Variants in CD58 observed in about 807,000 individuals in gnomAD.
The protein encoded by CD58 is CD58 molecule, also known as lymphocyte function-associated antigen 3.
A neutral mutation model predicts 27.6 loss-of-function variants in CD58; 14 were observed. The observed-to-expected ratio is 0.51, with a 90% CI of 0.34 to 0.79. The LOEUF (loss-of-function observed/expected upper bound fraction) is 0.79. Ranked by LOEUF, CD58 falls within the 30% of genes least tolerant of loss-of-function variation. The pLI is 0.02. For missense variants in CD58, 268 were observed against 301.7 expected, an observed-to-expected ratio of 0.89 and a Z score of 0.83; for synonymous variants, 117 against 103.8, an observed-to-expected ratio of 1.13 and a Z score of -0.77.
In CD58 at chr1:116,538,378, A is replaced by G. The variant is rs1657885776; in HGVS notation, c.365-2150T>C. ...CCATAGCAGCCCTCAGGGGACTTCC[A>G]AGGAACATGCATCCCCAGAATAGTT... On this transcript the variant is annotated intron_variant, in intron 2 of 5. Transcript: ENST00000369489. This position sits in a 1 kb window ranked among gnomAD's most constrained non-coding sequence, Gnocchi z 4.7. Among the ~76,000 whole-genome samples, 1 of 152,096 alleles carries G rather than the reference A, an allele frequency of 6.6e-6. No homozygotes were observed. Among genetic ancestry groups the G allele is most frequent in the South Asian group, 2.1e-4 (1 of 4,830 alleles).
At chr1:116,551,071 C>T (rs1185908321) in intron 1 of CD58, among the ~76,000 whole-genome samples, 1 of 152,072 alleles carries the variant, frequency 6.6e-6, no homozygotes, top group Admixed American at 6.6e-5. Flanking sequence ...AGAGCACAAG[C>T]AGAATAGATT....
At chr1:116,553,482 C>T (rs974058701) in intron 1 of CD58, among the ~76,000 whole-genome samples, 1 of 152,070 alleles carries the variant, frequency 6.6e-6, no homozygotes, top group African/African-American at 2.4e-5. Flanking sequence ...TGATTGACAG[C>T]ATATGGGGTA....
rs1459192244 is a variant in CD58 at position 116,546,123 on chromosome 1, G to A, written c.71-1519C>T. ...TGAGGCAGAGATTGCAGTCAGCCAT[G>A]ATTGTGCCACTGCACTCCAGCCTGG... On this transcript the variant is annotated intron_variant, in intron 1 of 5. Transcript: ENST00000369489. The surrounding 1 kb of genome is among the most constrained non-coding windows in gnomAD (Gnocchi z 4.1). 6.6e-6 allele frequency among the ~76,000 whole-genome samples: 1 copy of A among 152,240 alleles called. No individual in the cohort carries two copies.
chr1:116,562,418 A>G (rs547307240), intron 1 of CD58, among the ~76,000 whole-genome samples: 31 of 152,232 alleles, frequency 2.0e-4, no homozygotes, highest in Non-Finnish European at 4.1e-4. Flanking sequence ...TCCCAGACTC[A>G]AGCAATTGCC....
intron 3 of CD58, chr1:116,533,734 A>T: frequency 1.4e-6 from 1 of 700,070 alleles, no homozygotes; most frequent in South Asian, 1.4e-5. Context: ...TTCTGATTCC[A>T]TATCAGATGT....
At chr1:116,540,111 G>T (rs1176786511) in intron 2 of CD58, among the ~76,000 whole-genome samples, 1 of 152,138 alleles carries the variant, frequency 6.6e-6, no homozygotes, top group Non-Finnish European at 1.5e-5. Context: ...AGATGGGAAA[G>T]GACTAATAAA....
At position 116,534,837 on chromosome 1, in the gene CD58, A is replaced by T. The variant is rs10754445; in HGVS notation, c.628+1128T>A. ...GCTCACCAGTTAAAATCCAAGTTTC[A>T]TATATTTCTTGTATTTGCTAATTTC... On this transcript the variant is annotated intron_variant, in intron 3 of 5. Transcript: ENST00000369489. The surrounding 1 kb of genome is among the most constrained non-coding windows in gnomAD (Gnocchi z 5.3). Among the ~76,000 whole-genome samples the T allele has an allele frequency of 0.21, 31,202 of 152,124 alleles. 4,310 individuals are homozygous for T. The highest frequency in any genetic ancestry group is 0.57 in the East Asian group (2,960 of 5,172).
rs1252021293 is a variant in CD58, at chr1:116,517,134, C to T, written c.743+2097G>A. ...CCCCCATCCACTCAGAGTTCCCCTC[C>T]ACTGTAACCACCTAGATCTCAGCAG... On this transcript the variant is annotated intron_variant, in intron 5 of 5. Transcript: ENST00000369489. This position sits in a 1 kb window ranked among gnomAD's most constrained non-coding sequence, Gnocchi z 6.5. Among the ~76,000 whole-genome samples the T allele has an allele frequency of 6.6e-6, 1 of 152,120 alleles. No individual in the cohort carries two copies. The highest frequency in any genetic ancestry group is 2.4e-5 in the African/African-American group (1 of 41,406).
chr1:116,562,960 T>C (rs1453838561), intron 1 of CD58, among the ~76,000 whole-genome samples: 1 of 152,162 alleles, frequency 6.6e-6, no homozygotes, highest in Non-Finnish European at 1.5e-5. Context: ...TATTCCAGCA[T>C]TAATCCAAAA....
chr1:116,520,338 C>G (rs961708079), intron 4 of CD58, among the ~76,000 whole-genome samples: 8 of 151,928 alleles, frequency 5.3e-5, no homozygotes, highest in Non-Finnish European at 7.4e-5. Flanking sequence ...GTCTCAAACT[C>G]CTGGGCTCAA....
At chr1:116,556,365 A>AAATGACTTGCT in intron 1 of CD58, among the ~76,000 whole-genome samples, 2 of 93,164 alleles carry the variant, frequency 2.1e-5, no homozygotes, top group African/African-American at 8.8e-5. Context: ...CAACAATGTT[A>AAATGACTTGCT]AGTAATGAAG....
Position 116,519,369 on chromosome 1 carries a change from G to T in CD58, c.707-102C>A. On this transcript the variant is annotated intron_variant, in intron 4 of 5. Transcript: ENST00000369489. This position sits in a 1 kb window ranked among gnomAD's most constrained non-coding sequence, Gnocchi z 4.7. ...TAGAGGCCTAAATATGGAAAACTAA[G>T]CCAGAGCCCCATCACCCTGGGATTT... is the stretch of plus-strand genomic sequence containing the variant. 2.0e-6 allele frequency: 2 copies of T among 1,005,084 alleles called. No individual in the cohort carries two copies. The highest frequency in any genetic ancestry group is 1.5e-6 in the Non-Finnish European group (1 of 654,208). The allele number at this position is 1,005,084 out of a possible 1,614,324, so 62.3% of individuals were successfully genotyped here.
In CD58 at chr1:116,557,934, G is replaced by T. The variant is rs1658615564; in HGVS notation, c.70+12969C>A. The stretch of plus-strand genomic sequence containing the variant: ...AGTGATCCTCCTCCCTGGGCCTTCT[G>T]AAGTGCTGAGATTACAAGCATGAGC... On this transcript the variant is annotated intron_variant, in intron 1 of 5. Transcript: ENST00000369489. This position sits in a 1 kb window ranked among gnomAD's most constrained non-coding sequence, Gnocchi z 5.2. Among the ~76,000 whole-genome samples the T allele has an allele frequency of 6.6e-6, 1 of 152,030 alleles. No individual in the cohort carries two copies. Among genetic ancestry groups the T allele is most frequent in the Non-Finnish European group, 1.5e-5 (1 of 68,018 alleles).
chr1:116,523,232 C>T lies in CD58; in HGVS notation c.629-1249G>A, dbSNP rs970601646. Reference sequence around the variant, plus strand: ...AACCTAAGTTGTTTTCACAGCAGCTCCTTGTTTTCACAAAAAACTGTGGTA... The same window carrying T: ...AACCTAAGTTGTTTTCACAGCAGCTTCTTGTTTTCACAAAAAACTGTGGTA... On this transcript the variant is annotated intron_variant, in intron 3 of 5. Coordinates refer to ENST00000369489, the MANE Select transcript of CD58 (RefSeq NM_001779.3). This position sits in a 1 kb window ranked among gnomAD's most constrained non-coding sequence, Gnocchi z 4.4. Among the ~76,000 whole-genome samples the T allele has an allele frequency of 9.2e-5, 14 of 152,148 alleles. No homozygotes were observed. Among genetic ancestry groups the T allele is most frequent in the Admixed American group, 2.0e-4 (3 of 15,270 alleles).
chr1:116,535,165 A>ATT (rs1657750900), intron 3 of CD58, among the ~76,000 whole-genome samples: 1 of 152,256 alleles, frequency 6.6e-6, no homozygotes, highest in African/African-American at 2.4e-5. Flanking sequence ...TTGTCATGAT[A>ATT]TTAACTTAGT....
chr1:116,533,065 A>G (rs1657670053), intron 3 of CD58: 1 of 734,246 alleles, frequency 1.4e-6, no homozygotes, highest in Admixed American at 1.8e-5. Flanking sequence ...CAAAATTGTC[A>G]TCATCCTTTA....
chr1:116,535,291 G>A (rs1390094956), intron 3 of CD58, among the ~76,000 whole-genome samples: 2 of 152,122 alleles, frequency 1.3e-5, no homozygotes, highest in East Asian at 1.9e-4. Flanking sequence ...TTAAAACCAT[G>A]GGCTCTAGAG....
At position 116,515,404 on chromosome 1, in the gene CD58, T is replaced by G. The variant is rs1657042767; in HGVS notation, c.744-582A>C. ...AGACCAGGCCAGAGCTCCCCAAACA[T>G]TTGTATCTCATTGGTAACAAGAATT... On this transcript the variant is annotated intron_variant, in intron 5 of 5. Coordinates refer to ENST00000369489, the MANE Select transcript of CD58 (RefSeq NM_001779.3). The surrounding 1 kb of genome is among the most constrained non-coding windows in gnomAD (Gnocchi z 4.6). 6.6e-6 allele frequency among the ~76,000 whole-genome samples: 1 copy of G among 152,112 alleles called. No homozygotes were observed. Among genetic ancestry groups the G allele is most frequent in the Non-Finnish European group, 1.5e-5 (1 of 68,022 alleles).
chr1:116,549,656 T>C (rs1658322661), intron 1 of CD58, among the ~76,000 whole-genome samples: 1 of 152,206 alleles, frequency 6.6e-6, no homozygotes, highest in African/African-American at 2.4e-5. Context: ...AAAACGATCA[T>C]ATAAGTATTT....
Sources: allele counts gnomAD v4.1 joint callset (sites outside exome capture counted in the v4.1 genomes callset), GRCh38; gene constraint gnomAD v4.1.1; non-coding constraint Gnocchi (gnomAD v3.1); transcripts MANE v1.5; gene names NCBI Gene and HGNC (gene_info 2026-07-23, HGNC 2026-07-21).